Variants in TCERG1L observed in about 807,000 individuals in gnomAD.
TCERG1L encodes the protein transcription elongation regulator 1-like protein.
A neutral mutation model predicts 56.3 loss-of-function variants in TCERG1L; 37 were observed. The observed-to-expected ratio is 0.66, with a 90% CI of 0.51 to 0.87. The LOEUF (loss-of-function observed/expected upper bound fraction) is 0.87. Ranked by LOEUF, TCERG1L falls within the 40% of genes least tolerant of loss-of-function variation. The probability of loss-of-function intolerance (pLI) is 0.00; values close to 1 mark genes in which losing one functional copy is unlikely to be tolerated. For missense variants in TCERG1L, 799 were observed against 774.2 expected (o/e 1.03, Z -0.38); for synonymous variants, 324 against 326.3 (o/e 0.99, Z 0.08).
At chr10:131,188,016 G>C (rs1845264813) in intron 4 of TCERG1L, among the ~76,000 whole-genome samples, 1 of 152,202 alleles carries the variant, frequency 6.6e-6, no homozygotes, top group Non-Finnish European at 1.5e-5. Flanking sequence ...TCTGCAGAAA[G>C]GCAGCCTCTC....
chr10:131,254,137 G>T (rs1846143841), intron 4 of TCERG1L, among the ~76,000 whole-genome samples: 1 of 152,002 alleles, frequency 6.6e-6, no homozygotes, highest in South Asian at 2.1e-4. Flanking sequence ...GAAGGTCCCG[G>T]GGCAGCCCTG....
intron 4 of TCERG1L, among the ~76,000 whole-genome samples, chr10:131,167,406 G>A (rs186009237): frequency 9.8e-5 from 15 of 152,344 alleles, no homozygotes; most frequent in South Asian, 4.1e-4. Flanking sequence ...CCCCCAGTGC[G>A]CTGGGCAGTC....
intron 4 of TCERG1L, among the ~76,000 whole-genome samples, chr10:131,239,477 A>T (rs1343384275): frequency 1.3e-5 from 2 of 152,256 alleles, no homozygotes; most frequent in African/African-American, 2.4e-5. Flanking sequence ...CTTTTTACAG[A>T]TTTTGACAAG....
intron 3 of TCERG1L, among the ~76,000 whole-genome samples, chr10:131,289,854 G>GTGCACTGC (rs1846591952): frequency 1.5e-5 from 1 of 67,852 alleles, no homozygotes; most frequent in Non-Finnish European, 3.3e-5. Flanking sequence ...GTGTGTATGT[G>GTGCACTGC]TGCACTGCTG....
chr10:131,131,974 C>T (rs1037674129), intron 8 of TCERG1L, among the ~76,000 whole-genome samples: 2 of 152,200 alleles, frequency 1.3e-5, no homozygotes, highest in Non-Finnish European at 2.9e-5. Context: ...TTGAGGAGTA[C>T]ATGGACTTAT....
At chr10:131,144,091 TACAC>T (rs767809562) in intron 7 of TCERG1L, among the ~76,000 whole-genome samples, 1 of 151,988 alleles carries the variant, frequency 6.6e-6, no homozygotes, top group South Asian at 2.1e-4. Flanking sequence ...CGCTCACACA[TACAC>T]ACACGCTCCC....
chr10:131,169,157 G>C (rs890960680), intron 4 of TCERG1L, among the ~76,000 whole-genome samples: 18 of 152,246 alleles, frequency 1.2e-4, no homozygotes, highest in Admixed American at 3.3e-4. Context: ...CTGGACACCG[G>C]GTCTCTGTCC....
At chr10:131,280,829 A>C (rs1436531016) in intron 3 of TCERG1L, among the ~76,000 whole-genome samples, 1 of 152,098 alleles carries the variant, frequency 6.6e-6, no homozygotes, top group African/African-American at 2.4e-5. Flanking sequence ...CTGAGCCTGC[A>C]CCAGCATCCC....
chr10:131,137,059 G>A (rs1428551014), intron 7 of TCERG1L, among the ~76,000 whole-genome samples: 1 of 151,978 alleles, frequency 6.6e-6, no homozygotes, highest in East Asian at 2.0e-4. Context: ...AGAATCACTT[G>A]AAAACAGAAG....
At chr10:131,157,458 A>G (rs530986716) in intron 6 of TCERG1L, among the ~76,000 whole-genome samples, 2 of 152,120 alleles carry the variant, frequency 1.3e-5, no homozygotes, top group Non-Finnish European at 2.9e-5. Flanking sequence ...AAAGCTATGG[A>G]TTTTACACTT....
In TCERG1L at chr10:131,163,201, G is replaced by T; in HGVS notation, c.955C>A (p.Pro319Thr). ...DGDKEDKEPP[P>T]MLGGGEDSTA... Reference sequence around the variant, plus strand: ...CTGTCCTCTCCTCCCCCCAGCATCGGTGGAGGCTCCTTTCAACAGAAAGAG... The same window carrying T: ...CTGTCCTCTCCTCCCCCCAGCATCGTTGGAGGCTCCTTTCAACAGAAAGAG... The change falls in exon 6 of 12, where the codon CCG (proline) becomes ACG (threonine). Residue 319 changes from proline (P) to threonine (T), a missense_variant. By Grantham distance (38) the Pro-to-Thr change is conservative. Coordinates refer to ENST00000368642, the MANE Select transcript of TCERG1L (RefSeq NM_174937.4). 6.5e-7 allele frequency: 1 copy of T among 1,546,424 alleles called. No individual in the cohort carries two copies. The highest frequency in any genetic ancestry group is 8.7e-7 in the Non-Finnish European group (1 of 1,147,094).
intron 6 of TCERG1L, among the ~76,000 whole-genome samples, chr10:131,147,539 T>C (rs992587740): frequency 6.6e-6 from 1 of 152,208 alleles, no homozygotes; most frequent in Non-Finnish European, 1.5e-5. Context: ...AGGGTGCTAT[T>C]AGAGATTGAG....
intron 3 of TCERG1L, among the ~76,000 whole-genome samples, chr10:131,262,001 A>G (rs1045515519): frequency 7.8e-4 from 118 of 152,252 alleles, no homozygotes; most frequent in African/African-American, 2.8e-3. Flanking sequence ...GGTGCCTTCC[A>G]GGAGCTGCAA....
intron 4 of TCERG1L, among the ~76,000 whole-genome samples, chr10:131,232,548 C>CA (rs1374952444): frequency 2.6e-5 from 4 of 152,118 alleles, no homozygotes; most frequent in African/African-American, 9.7e-5. Context: ...TTTGTGTTCA[C>CA]AAAAAATGGG....
At chr10:131,180,593 G>A (rs534096118) in intron 4 of TCERG1L, among the ~76,000 whole-genome samples, 1 of 152,288 alleles carries the variant, frequency 6.6e-6, no homozygotes, top group African/African-American at 2.4e-5. Flanking sequence ...AATTTCAAGG[G>A]GGGCCGGTAC....
chr10:131,129,130 A>G (rs1247404314), intron 8 of TCERG1L, among the ~76,000 whole-genome samples: 1 of 152,244 alleles, frequency 6.6e-6, no homozygotes, highest in Non-Finnish European at 1.5e-5. Context: ...CAGCAGGTTA[A>G]AAGAGGCTTA....
At chr10:131,256,986 AAGGAAG>A (rs1589763535) in intron 4 of TCERG1L, among the ~76,000 whole-genome samples, 30 of 83,630 alleles carry the variant, frequency 3.6e-4, no homozygotes, top group African/African-American at 5.7e-4. Flanking sequence ...GGAAGGAAGG[AAGGAAG>A]GAAAGAAAGA....
rs530882609 is a variant in TCERG1L, at chr10:131,238,038, T to C, written c.856+22221A>G. Among the ~76,000 whole-genome samples, 13 of 152,320 alleles carry C rather than the reference T, an allele frequency of 8.5e-5. No homozygotes were observed. The East Asian group carries it at 1.7e-3, about 20-fold the overall frequency. On this transcript the variant is annotated intron_variant, in intron 4 of 11. Transcript: ENST00000368642. ...GCCGTCTTTTCAACAAAATACTTTT[T>C]TGTGTTTTGAAAACTCAAGGAACCC...
intron 6 of TCERG1L, among the ~76,000 whole-genome samples, chr10:131,154,868 C>T (rs569081453): frequency 9.2e-5 from 14 of 152,346 alleles, no homozygotes; most frequent in African/African-American, 3.4e-4. Context: ...CAGCCTGGGC[C>T]AGGCACCTGC....
Sources: allele counts gnomAD v4.1 joint callset (sites outside exome capture counted in the v4.1 genomes callset), GRCh38; gene constraint gnomAD v4.1.1; transcripts MANE v1.5; gene names NCBI Gene and HGNC (gene_info 2026-07-23, HGNC 2026-07-21).